The following CSMD3 variants were observed in gnomAD, a reference collection of about 807,000 sequenced individuals.
The protein encoded by CSMD3 is CUB and Sushi multiple domains 3.
In CSMD3, 177 loss-of-function variants were observed where a neutral mutation model predicts 435.2. That is an observed-to-expected ratio of 0.41 (90% confidence interval 0.36 to 0.46). The LOEUF (loss-of-function observed/expected upper bound fraction) is 0.46. CSMD3 is among the 20% of genes least tolerant of loss of function. The probability of loss-of-function intolerance (pLI) is 0.34; values close to 1 mark genes in which losing one functional copy is unlikely to be tolerated. For synonymous variants in CSMD3, 1,656 were observed against 1,520.5 expected, an observed-to-expected ratio of 1.09 and a Z score of -2.07; for missense variants, 4,265 against 4,504.6, an observed-to-expected ratio of 0.95 and a Z score of 1.52.
chr8:112,429,789 C>A (rs1291433175), intron 32 of CSMD3, among the ~76,000 whole-genome samples: 1 of 151,860 alleles, frequency 6.6e-6, no homozygotes, highest in African/African-American at 2.4e-5. Flanking sequence ...AACTCATTTA[C>A]AAACATGAAA....
intron 2 of CSMD3, among the ~76,000 whole-genome samples, chr8:113,302,534 C>A (rs561632980): frequency 1.3e-5 from 2 of 151,020 alleles, no homozygotes; most frequent in Admixed American, 6.6e-5. Flanking sequence ...ATTTTATTTA[C>A]GAGCTCATAT....
At chr8:113,363,766 C>CT (rs992243351) in intron 1 of CSMD3, among the ~76,000 whole-genome samples, 2 of 152,016 alleles carry the variant, frequency 1.3e-5, no homozygotes. Context: ...CTACAAAGAT[C>CT]TTTTTTTTCT....
intron 31 of CSMD3, 150 bp from the exon 32 acceptor site, chr8:112,472,857 A>T: frequency 1.6e-6 from 1 of 616,370 alleles, no homozygotes; most frequent in Non-Finnish European, 2.9e-6. Context: ...CTAGTGTTAA[A>T]TATTTGAAAA....
intron 13 of CSMD3, among the ~76,000 whole-genome samples, chr8:112,798,435 A>G (rs2078879537): frequency 6.6e-6 from 1 of 151,854 alleles, no homozygotes; most frequent in Admixed American, 6.6e-5. Context: ...AGTAATGTGC[A>G]GCAGGTTGGA....
chr8:113,389,494 A>G (rs2094452879), intron 1 of CSMD3, among the ~76,000 whole-genome samples: 1 of 151,722 alleles, frequency 6.6e-6, no homozygotes, highest in Non-Finnish European at 1.5e-5. Context: ...TTGATGTGCC[A>G]TATATTGACC....
intron 4 of CSMD3, among the ~76,000 whole-genome samples, chr8:113,167,370 C>A (rs6469450): frequency 0.5 from 76,645 of 151,908 alleles, 22,895 homozygotes; most frequent in East Asian, 0.88. Context: ...CTTCACCATT[C>A]TGAAATAAGT....
At chr8:113,115,548 G>C (rs941086374) in intron 4 of CSMD3, among the ~76,000 whole-genome samples, 13 of 152,200 alleles carry the variant, frequency 8.5e-5, no homozygotes, top group African/African-American at 3.1e-4. Context: ...AATGGAAGCT[G>C]AAAGTATGTC....
At chr8:112,647,132 T>G (rs898206030) in intron 19 of CSMD3, among the ~76,000 whole-genome samples, 1 of 152,114 alleles carries the variant, frequency 6.6e-6, no homozygotes, top group Admixed American at 6.6e-5. Context: ...GATTCTTGAA[T>G]TGTGTGGATG....
At chr8:112,897,664 T>TTCTCTC (rs148140086) in intron 10 of CSMD3, among the ~76,000 whole-genome samples, 5 of 135,028 alleles carry the variant, frequency 3.7e-5, no homozygotes, top group African/African-American at 8.6e-5. Context: ...AAAATACTAT[T>TTCTCTC]TCTCTCTCTC....
intron 4 of CSMD3, among the ~76,000 whole-genome samples, chr8:113,117,978 T>C (rs996001824): frequency 6.6e-6 from 1 of 152,166 alleles, no homozygotes; most frequent in African/African-American, 2.4e-5. Context: ...GGAAGGGACT[T>C]GGTTGTCACA....
intron 38 of CSMD3, among the ~76,000 whole-genome samples, chr8:112,364,458 CTT>C (rs1159186563): frequency 6.6e-6 from 1 of 151,968 alleles, no homozygotes; most frequent in Admixed American, 6.6e-5. Context: ...GCAGCCTTCT[CTT>C]TTAAAAACAT....
At chr8:113,429,699 T>G (rs538041784) in intron 1 of CSMD3, among the ~76,000 whole-genome samples, 3 of 152,274 alleles carry the variant, frequency 2.0e-5, no homozygotes, top group Admixed American at 6.5e-5. Context: ...ATTGACTATC[T>G]TCATTGGTGC....
chr8:112,511,372 G>C lies in CSMD3; in HGVS notation c.4757-4543C>G, dbSNP rs1208884435. Among the ~76,000 whole-genome samples, 3 of 146,688 alleles carry C rather than the reference G, an allele frequency of 2.0e-5. No homozygotes were observed. In the East Asian group the frequency reaches 6.1e-4, roughly 30 times the overall value. On this transcript the variant is annotated intron_variant, in intron 28 of 70. Transcript: ENST00000297405. ...GTTGTTGAAATCTGGGGTAGCTGTG[G>C]CATTTTCTTTTCTTTTTTTTTTTTT...
chr8:113,335,414 A>C (rs2094064792), intron 1 of CSMD3, among the ~76,000 whole-genome samples: 1 of 152,012 alleles, frequency 6.6e-6, no homozygotes, highest in South Asian at 2.1e-4. Flanking sequence ...TTTTCAAAGA[A>C]GCAAATTTTG....
chr8:112,281,419 G>A (rs943675385), intron 58 of CSMD3, 69 bp from the exon 59 acceptor site: 5 of 1,222,434 alleles, frequency 4.1e-6, no homozygotes, highest in Middle Eastern at 1.9e-4. Flanking sequence ...AAAAGTTAAT[G>A]ACTAAACGAT....
chr8:112,290,830 A>G (rs1387781829), intron 56 of CSMD3, among the ~76,000 whole-genome samples: 1 of 152,028 alleles, frequency 6.6e-6, no homozygotes, highest in East Asian at 1.9e-4. Flanking sequence ...GAGGCCTATC[A>G]ATTGACTGAA....
intron 5 of CSMD3, among the ~76,000 whole-genome samples, chr8:113,077,944 A>G (rs2089412532): frequency 6.6e-6 from 1 of 152,214 alleles, no homozygotes; most frequent in African/African-American, 2.4e-5. Flanking sequence ...AATTAAATCA[A>G]ATTAAATTTT....
At chr8:112,982,261 A>T (rs1230605939) in intron 6 of CSMD3, among the ~76,000 whole-genome samples, 2 of 151,910 alleles carry the variant, frequency 1.3e-5, no homozygotes. Flanking sequence ...ATACAAACTG[A>T]ATTCTTTTTA....
intron 1 of CSMD3, among the ~76,000 whole-genome samples, chr8:113,335,534 C>CT (rs1554614083): frequency 3.9e-5 from 3 of 76,476 alleles, no homozygotes; most frequent in African/African-American, 1.9e-4. Context: ...TCTCCTCCTC[C>CT]TTCTTTTTTT....
Sources: allele counts gnomAD v4.1 joint callset (sites outside exome capture counted in the v4.1 genomes callset), GRCh38; gene constraint gnomAD v4.1.1; transcripts MANE v1.5; gene names NCBI Gene and HGNC (gene_info 2026-07-23, HGNC 2026-07-21).